The following AIPL1 variants were observed in gnomAD, a reference collection of about 807,000 sequenced individuals.
AIPL1 encodes AIP like 1 HSP90 co-chaperone.
Under a neutral mutation model 32.9 loss-of-function variants are expected in AIPL1, and 23 were observed. That is an observed-to-expected ratio of 0.70 (90% CI 0.50 to 0.99). The LOEUF is 0.99. Ranked by LOEUF, AIPL1 falls within the 50% of genes least tolerant of loss-of-function variation. The probability of loss-of-function intolerance (pLI) is 0.00; values close to 1 mark genes in which losing one functional copy is unlikely to be tolerated. For missense variants in AIPL1, 485 were observed against 506.0 expected (o/e 0.96, Z 0.40); for synonymous variants, 210 against 209.4 (o/e 1.00, Z -0.02).
intron 3 of AIPL1, among the ~76,000 whole-genome samples, 197 bp downstream of exon 3, chr17:6,428,121 C>A (rs1912176368): frequency 6.6e-6 from 1 of 152,180 alleles, no homozygotes. Context: ...TGCCCAGCAC[C>A]AAAGGACTTT....
At chr17:6,425,988 G>A in intron 5 of AIPL1, 158 bp from the exon 6 acceptor site, 2 of 1,111,828 alleles carry the variant, frequency 1.8e-6, no homozygotes, top group Non-Finnish European at 2.5e-6. Context: ...CTGTAAGATG[G>A]AGATGATGAT....
rs1911723975 is a variant in AIPL1 at position 6,424,561 on chromosome 17, T to G, written c.*899A>C. On this transcript the variant is annotated 3_prime_UTR_variant, in exon 6 of 6. Transcript: ENST00000381129. ...TTTCTTTTGTTTTTTGTTGTTGTTT[T>G]TGTTTTGTTTTGTTTTTTGAGATGA... The G allele has an allele frequency of 6.6e-6, 1 of 151,168 alleles. No individual in the cohort carries two copies. Among genetic ancestry groups the G allele is most frequent in the Non-Finnish European group, 1.5e-5 (1 of 68,156 alleles). The allele number at this position is 151,168 out of a possible 1,614,324, so 9.4% of individuals were successfully genotyped here.
Position 6,425,555 on chromosome 17 carries a change from G to A in AIPL1, c.1060C>T (p.Pro354Ser). The A allele has an allele frequency of 6.2e-7, 1 of 1,610,778 alleles. No individual in the cohort carries two copies. The highest frequency in any genetic ancestry group is 1.1e-5 in the South Asian group (1 of 91,066). ...AQSSTEPPAE[P>S]PTAPSAELSA... ...AGCTCTGCAGATGGTGCTGTGGGTG[G>A]CTCTGCAGGTGGCTCTGTGGATGAC... is the stretch of plus-strand genomic sequence containing the variant. Residue 354 changes from proline (P) to serine (S), a missense_variant, in exon 6 of 6, where the codon CCA becomes TCA. Pro to Ser is a moderately conservative substitution (Grantham distance 74). Coordinates refer to ENST00000381129, the MANE Select transcript of AIPL1 (RefSeq NM_014336.5).
rs1911713178 is a variant in AIPL1, at chr17:6,424,462, T to A, written c.*998A>T. On this transcript the variant is annotated 3_prime_UTR_variant, in exon 6 of 6. Coordinates refer to ENST00000381129, the MANE Select transcript of AIPL1 (RefSeq NM_014336.5). The stretch of plus-strand genomic sequence containing the variant: ...CTGCTCGCTGCCTATGGGGTAGCCC[T>A]GCTCTGCAGGGCAGTCACAGAGCTG... The A allele has an allele frequency of 6.6e-6, 1 of 152,308 alleles. No individual in the cohort carries two copies. The highest frequency in any genetic ancestry group is 2.4e-5 in the African/African-American group (1 of 41,478). 9.4% of individuals were successfully genotyped at this position (152,308 alleles called of 1,614,324 possible).
At chr17:6,431,961 C>G (rs896266865) in intron 2 of AIPL1, among the ~76,000 whole-genome samples, 2 of 152,160 alleles carry the variant, frequency 1.3e-5, no homozygotes, top group African/African-American at 4.8e-5. Flanking sequence ...TTCAATTTAT[C>G]AAAAATGTGG....
chr17:6,428,390 C>A lies in AIPL1; in HGVS notation c.393G>T (p.Thr131=). The A allele has an allele frequency of 6.2e-7, 1 of 1,612,976 alleles. No homozygotes were observed. Among genetic ancestry groups the A allele is most frequent in the Non-Finnish European group, 8.5e-7 (1 of 1,180,044 alleles). Residue 131 remains threonine, a synonymous_variant, in exon 3 of 6, where the codon ACG becomes ACT. Coordinates refer to ENST00000381129, the MANE Select transcript of AIPL1 (RefSeq NM_014336.5). The stretch of plus-strand genomic sequence containing the variant: ...GCTCGTCCAGGTCCTCGTAGCCCAG[C>A]GTGTGGTAGGCGAACATGTTGGCCA... ...CGLANMFAYH[T]LGYEDLDELQ...
At chr17:6,426,408 C>T in intron 5 of AIPL1, 1 of 1,434,080 alleles carries the variant, frequency 7.0e-7, no homozygotes, top group Non-Finnish European at 9.1e-7. Context: ...TGTTCAAACA[C>T]ACATTAAAAT....
At chr17:6,432,323 C>T (rs1274566433) in intron 2 of AIPL1, among the ~76,000 whole-genome samples, 1 of 150,920 alleles carries the variant, frequency 6.6e-6, no homozygotes, top group Non-Finnish European at 1.5e-5. Context: ...TGCAGTGAGC[C>T]AAGATCACGC....
At chr17:6,433,654 C>CAT (rs1912852124) in intron 2 of AIPL1, among the ~76,000 whole-genome samples, 1 of 148,230 alleles carries the variant, frequency 6.7e-6, no homozygotes, top group Non-Finnish European at 1.5e-5. Context: ...CACACACACA[C>CAT]AGATGTGAGG....
In AIPL1 at chr17:6,434,356, C is replaced by CTTTTTTTTTTTT. The variant is rs71381392; in HGVS notation, c.97-270_97-259dup. On this transcript the variant is annotated intron_variant, in intron 1 of 5. Coordinates refer to ENST00000381129, the MANE Select transcript of AIPL1 (RefSeq NM_014336.5). ...ATCCTTCCTCAAGTAAGCCCGAGTT[C>CTTTTTTTTTTTT]TTTTTTTTTTTTTTTTTTCTGAGAC... Among the ~76,000 whole-genome samples the CTTTTTTTTTTTT allele has an allele frequency of 7.8e-4, 82 of 105,006 alleles. 4 individuals are homozygous for CTTTTTTTTTTTT. Among genetic ancestry groups the CTTTTTTTTTTTT allele is most frequent in the South Asian group, 5.4e-3 (14 of 2,610 alleles). The allele number at this position is 105,006 out of a possible 152,430, so 68.9% of individuals were successfully genotyped here.
chr17:6,425,525 C>T lies in AIPL1; in HGVS notation c.1090G>A (p.Ala364Thr), dbSNP rs201875142. Reference sequence around the variant, plus strand: ...GTGGCTGGCTCTGCAGGGGGCCCTGCGGACAGCTCTGCAGATGGTGCTGTG... The same window carrying T: ...GTGGCTGGCTCTGCAGGGGGCCCTGTGGACAGCTCTGCAGATGGTGCTGTG... ...PPTAPSAELS[A>T]GPPAEPATEP... is the part of the protein sequence containing the mutation. The change falls in exon 6 of 6, where the codon GCA becomes ACA. Residue 364 changes from alanine (A) to threonine (T), a missense_variant. By Grantham distance (58) the Ala-to-Thr change is moderately conservative. Coordinates refer to ENST00000381129, the MANE Select transcript of AIPL1 (RefSeq NM_014336.5). 2.9e-5 allele frequency: 46 copies of T among 1,611,200 alleles called. No homozygotes were observed. Among genetic ancestry groups the T allele is most frequent in the Non-Finnish European group, 3.6e-5 (42 of 1,179,558 alleles).
At chr17:6,427,340 G>A (rs1912101445) in intron 3 of AIPL1, among the ~76,000 whole-genome samples, 1 of 152,224 alleles carries the variant, frequency 6.6e-6, no homozygotes. Context: ...ATTGCCATCT[G>A]CTGGAAACTT....
intron 2 of AIPL1, 112 bp from the exon 3 acceptor site, chr17:6,428,618 G>T: frequency 1.0e-6 from 1 of 983,418 alleles, no homozygotes; most frequent in Non-Finnish European, 1.6e-6. Context: ...CCCTCACTAT[G>T]CCACTCATAC....
chr17:6,429,800 ATAGGTAGGTAGG>A lies in AIPL1; in HGVS notation c.277-1306_277-1295del, dbSNP rs35892779. Among the ~76,000 whole-genome samples, 152 of 149,054 alleles carry A rather than the reference ATAGGTAGGTAGG, an allele frequency of 1.0e-3. 1 individual carries two copies. Among genetic ancestry groups the A allele is most frequent in the East Asian group, 4.8e-3 (24 of 5,050 alleles). On this transcript the variant is annotated intron_variant, in intron 2 of 5. Transcript: ENST00000381129. ...TGCCCAGTGAATGTTTTCTAACTAG[ATAGGTAGGTAGG>A]TAGGTAGGTAGGTAGATAGATAGAT...
chr17:6,434,356 C>CTTTTTTTTTTT lies in AIPL1; in HGVS notation c.97-269_97-259dup, dbSNP rs71381392. ...ATCCTTCCTCAAGTAAGCCCGAGTT[C>CTTTTTTTTTTT]TTTTTTTTTTTTTTTTTTCTGAGAC... On this transcript the variant is annotated intron_variant, in intron 1 of 5. Coordinates refer to ENST00000381129, the MANE Select transcript of AIPL1 (RefSeq NM_014336.5). Among the ~76,000 whole-genome samples, 355 of 104,998 alleles carry CTTTTTTTTTTT rather than the reference C, an allele frequency of 3.4e-3. 9 individuals carry two copies. The highest frequency in any genetic ancestry group is 0.012 in the African/African-American group (312 of 26,644). The allele number at this position is 104,998 out of a possible 152,430, so 68.9% of individuals were successfully genotyped here. A position where few individuals can be genotyped will look rare whatever the true frequency, so the allele number is the denominator to read the frequency against.
chr17:6,430,900 C>A (rs1294903018), intron 2 of AIPL1, among the ~76,000 whole-genome samples: 1 of 152,116 alleles, frequency 6.6e-6, no homozygotes, highest in Non-Finnish European at 1.5e-5. Context: ...GGGACTGCTA[C>A]AAAGGAAAGA....
chr17:6,427,046 C>T lies in AIPL1; in HGVS notation c.477G>A (p.Pro159=), dbSNP rs766533358. 9.9e-6 allele frequency: 16 copies of T among 1,614,024 alleles called. No individual in the cohort carries two copies. Among genetic ancestry groups the T allele is most frequent in the East Asian group, 2.2e-5 (1 of 44,884 alleles). The change falls in exon 4 of 6, where the codon CCG becomes CCA. Residue 159 remains proline (P), a synonymous_variant. Transcript: ENST00000381129. ...FVIELLQVDA[P]SDYQRETWNL... ...TCCAGGTCTCCCTCTGGTAATCACT[C>T]GGGGCATCAACCTGGCCCCAGAGCT... is the stretch of plus-strand genomic sequence containing the variant.
At chr17:6,430,206 G>A (rs906707634) in intron 2 of AIPL1, among the ~76,000 whole-genome samples, 5 of 151,880 alleles carry the variant, frequency 3.3e-5, no homozygotes, top group African/African-American at 7.3e-5. Context: ...CTGTAATCCC[G>A]GCACTTTGGG....
Position 6,425,434 on chromosome 17 carries a change from C to T in AIPL1, c.*26G>A, listed in dbSNP as rs1265351748. On this transcript the variant is annotated 3_prime_UTR_variant, in exon 6 of 6. Coordinates refer to ENST00000381129, the MANE Select transcript of AIPL1 (RefSeq NM_014336.5). ...AGTGACCAGGCCACTTGCTCCCTGC[C>T]TGGGTGGCTGTGGGCCTCAGGGGGC... The T allele has an allele frequency of 5.7e-6, 9 of 1,567,640 alleles. No individual in the cohort carries two copies. Among genetic ancestry groups the T allele is most frequent in the Non-Finnish European group, 7.8e-6 (9 of 1,157,404 alleles).
Sources: allele counts gnomAD v4.1 joint callset (sites outside exome capture counted in the v4.1 genomes callset), GRCh38; gene constraint gnomAD v4.1.1; transcripts MANE v1.5; gene names NCBI Gene and HGNC (gene_info 2026-07-23, HGNC 2026-07-21).